The following DIAPH1 variants were observed in gnomAD, a reference collection of about 807,000 sequenced individuals.
DIAPH1 encodes diaphanous related formin 1, also known as protein diaphanous homolog 1.
A neutral mutation model predicts 140.7 loss-of-function variants in DIAPH1; 46 were observed. That is an observed-to-expected ratio of 0.33 (90% confidence interval 0.26 to 0.42). The LOEUF (loss-of-function observed/expected upper bound fraction) is 0.42. Ranked by LOEUF, DIAPH1 falls within the 10% of genes least tolerant of loss-of-function variation. DIAPH1 has a pLI of 1.00. For synonymous variants in DIAPH1, 565 were observed against 551.6 expected (o/e 1.02, Z -0.34); for missense variants, 1,310 against 1,558.7 (o/e 0.84, Z 2.69).
chr5:141,525,175 A>G (rs1384508280), intron 26 of DIAPH1, among the ~76,000 whole-genome samples: 2 of 152,218 alleles, frequency 1.3e-5, no homozygotes, highest in African/African-American at 4.8e-5. Context: ...ATTGCTTTAC[A>G]GAAAAGTATA....
intron 1 of DIAPH1, among the ~76,000 whole-genome samples, chr5:141,616,210 CAAGAT>C (rs2099902653): frequency 6.6e-6 from 1 of 152,220 alleles, no homozygotes; most frequent in Non-Finnish European, 1.5e-5. Flanking sequence ...CCTTTCCACA[CAAGAT>C]GCCTCAGAGG....
At chr5:141,572,959 A>G (rs1395065217) in intron 16 of DIAPH1, among the ~76,000 whole-genome samples, 4 of 152,214 alleles carry the variant, frequency 2.6e-5, no homozygotes, top group African/African-American at 4.8e-5. Flanking sequence ...CATTAAGTTA[A>G]GATTAAATTC....
chr5:141,572,003 G>C lies in DIAPH1; in HGVS notation c.2396C>G (p.Thr799Arg), dbSNP rs781407197. The C allele has an allele frequency of 1.9e-6, 3 of 1,614,166 alleles. No homozygotes were observed. Among genetic ancestry groups the C allele is most frequent in the Non-Finnish European group, 2.5e-6 (3 of 1,180,000 alleles). Residue 799 changes from threonine to arginine, a missense_variant, in exon 17 of 28, where the codon ACA becomes AGA. Transcript: ENST00000389054. ...AEDLSQDCFW[T>R]KVKEDRFENN... is the part of the protein sequence containing the mutation. ...CTCAAAGCGGTCCTCCTTCACCTTT[G>C]TCCAGAAGCAGTCCTGGGAGAGGTC...
chr5:141,578,241 T>A lies in DIAPH1; in HGVS notation c.1147A>T (p.Ile383Phe). ...AAAGGATATTCCATCTCCATGCGAA[T>A]GTCATCCAGCCGTCCCTTCAGGTCA... The part of the protein sequence containing the change: ...SYDLKGRLDD[I>F]RMEMDDFNEV... Residue 383 changes from isoleucine (I) to phenylalanine (F), a missense_variant, in exon 11 of 28, where the codon ATT becomes TTT. Physicochemically the swap from Ile to Phe is conservative, Grantham distance 21. Around this residue, in one of 3 missense-constraint regions of DIAPH1, gnomAD observed 377 missense variants for 497.1 expected, o/e 0.76. Coordinates refer to ENST00000389054, the MANE Select transcript of DIAPH1 (RefSeq NM_005219.5). 6.2e-7 allele frequency: 1 copy of A among 1,613,878 alleles called. No individual in the cohort carries two copies. Among genetic ancestry groups the A allele is most frequent in the Non-Finnish European group, 8.5e-7 (1 of 1,179,736 alleles).
chr5:141,586,986 C>G, intron 3 of DIAPH1, 56 bp downstream of exon 3: 1 of 1,592,050 alleles, frequency 6.3e-7, no homozygotes, highest in Non-Finnish European at 8.6e-7. Context: ...CAAAAAGAGC[C>G]CACCATGTCC....
intron 1 of DIAPH1, among the ~76,000 whole-genome samples, chr5:141,593,529 T>C (rs896606938): frequency 3.9e-5 from 6 of 152,160 alleles, no homozygotes; most frequent in African/African-American, 1.4e-4. Context: ...AACTTAAAGC[T>C]TGTGACATAG....
At chr5:141,571,312 C>A in intron 18 of DIAPH1, 116 bp downstream of exon 18, 1 of 883,656 alleles carries the variant, frequency 1.1e-6, no homozygotes, top group South Asian at 1.7e-5. Context: ...CTAGCAAAGA[C>A]AAGTCAACCC....
intron 18 of DIAPH1, among the ~76,000 whole-genome samples, chr5:141,542,643 G>A (rs922190649): frequency 2.0e-5 from 3 of 152,060 alleles, no homozygotes; most frequent in Non-Finnish European, 2.9e-5. Flanking sequence ...ATATTCAGAA[G>A]AGGTAAATCT....
intron 19 of DIAPH1, among the ~76,000 whole-genome samples, chr5:141,530,266 C>T (rs528924379): frequency 1.3e-5 from 2 of 152,288 alleles, no homozygotes; most frequent in East Asian, 3.9e-4. Context: ...ATCAGGACCT[C>T]TCTTTCCAGT....
intron 18 of DIAPH1, among the ~76,000 whole-genome samples, chr5:141,540,689 T>A (rs2099889826): frequency 6.6e-6 from 1 of 151,870 alleles, no homozygotes; most frequent in Admixed American, 6.6e-5. Context: ...GTGCTGCGAT[T>A]ACAGGCATGA....
At chr5:141,528,643 C>G in intron 22 of DIAPH1, 59 bp downstream of exon 22, 1 of 1,614,272 alleles carries the variant, frequency 6.2e-7, no homozygotes, top group Non-Finnish European at 8.5e-7. Flanking sequence ...CCTGCCAACA[C>G]TGAACTCATA....
chr5:141,534,380 C>T lies in DIAPH1; in HGVS notation c.2536G>A (p.Val846Ile). The T allele has an allele frequency of 6.2e-7, 1 of 1,613,890 alleles. No homozygotes were observed. The change falls in exon 19 of 28, where the codon GTA becomes ATA. Residue 846 changes from valine (V) to isoleucine (I), a missense_variant. Val to Ile is a conservative substitution (Grantham distance 29). Around this residue, in one of 3 missense-constraint regions of DIAPH1, gnomAD observed 589 missense variants for 549.3 expected, o/e 1.07. Transcript: ENST00000389054. ...GAATCCAACACCTTTAACTCTTTTA[C>T]TTTTTTCTTTTGCACAGATTTCTTT... is the stretch of plus-strand genomic sequence containing the variant. ...EEKKSVQKKK[V>I]KELKVLDSKT...
At chr5:141,549,121 G>C (rs2099891292) in intron 18 of DIAPH1, among the ~76,000 whole-genome samples, 2 of 152,050 alleles carry the variant, frequency 1.3e-5, no homozygotes, top group South Asian at 4.1e-4. Context: ...TGTCAGACTG[G>C]AGTTACAAAA....
intron 6 of DIAPH1, 77 bp downstream of exon 6, chr5:141,583,129 A>T: frequency 7.9e-7 from 1 of 1,269,784 alleles, no homozygotes; most frequent in Non-Finnish European, 1.2e-6. Flanking sequence ...TTTAACTGCT[A>T]CTTTCTCCTT....
intron 14 of DIAPH1, 113 bp from the exon 15 acceptor site, chr5:141,575,259 C>A (rs1258070311): frequency 9.8e-7 from 1 of 1,021,392 alleles, no homozygotes; most frequent in Non-Finnish European, 1.5e-6. Flanking sequence ...TGCTGGAATC[C>A]CCCCACTGCC....
Position 141,579,078 on chromosome 5 carries a change from A to C in DIAPH1, c.933+10T>G, listed in dbSNP as rs762532070. 2 of 1,600,334 alleles carry C rather than the reference A, an allele frequency of 1.2e-6. No individual in the cohort carries two copies. Among genetic ancestry groups the C allele is most frequent in the Non-Finnish European group, 1.7e-6 (2 of 1,167,330 alleles). On this transcript the variant is annotated intron_variant, in intron 9 of 27. Transcript: ENST00000389054. ...CTATTCTTGGGCCCAGTTTCAGGGG[A>C]TATACATGCCTTCAGTGCAATAGTG...
intron 18 of DIAPH1, among the ~76,000 whole-genome samples, chr5:141,535,213 C>T (rs1437303387): frequency 6.6e-6 from 1 of 152,158 alleles, no homozygotes; most frequent in Non-Finnish European, 1.5e-5. Flanking sequence ...GCCTCCCAAA[C>T]TGCTAGGAGT....
chr5:141,544,035 G>A (rs529148685), intron 18 of DIAPH1, among the ~76,000 whole-genome samples: 1 of 152,298 alleles, frequency 6.6e-6, no homozygotes, highest in South Asian at 2.1e-4. Flanking sequence ...AATCGGCCGG[G>A]CGCGGTGGCT....
At chr5:141,589,547 T>TCA (rs2099898053) in intron 1 of DIAPH1, among the ~76,000 whole-genome samples, 1 of 149,316 alleles carries the variant, frequency 6.7e-6, no homozygotes, top group Non-Finnish European at 1.5e-5. Flanking sequence ...TCATTTACAT[T>TCA]CAGTTCAAAA....
Sources: gnomAD v4.1 joint callset for allele counts (sites outside exome capture counted in the v4.1 genomes callset) on GRCh38, gnomAD v4.1.1 for gene constraint, gnomAD v4.1.1 regional missense constraint, MANE v1.5 for transcripts, NCBI Gene and HGNC (gene_info 2026-07-23, HGNC 2026-07-21) for gene names.